Variants in PITPNM3 observed in about 807,000 individuals in gnomAD.
The protein encoded by PITPNM3 is PITPNM family member 3.
PITPNM3 carries 26 observed loss-of-function variants against 102.0 expected under a neutral mutation model. The ratio of observed to expected loss-of-function variants is 0.25; its 90% confidence interval spans 0.19 to 0.35. PITPNM3 has a LOEUF of 0.35. Among genes scored for constraint, PITPNM3 ranks in the 10% least tolerant of loss-of-function variants. PITPNM3 has a pLI of 1.00. For synonymous variants in PITPNM3, 578 were observed against 558.6 expected (o/e 1.03, Z -0.49); for missense variants, 1,083 against 1,346.1 (o/e 0.80, Z 3.06).
rs112876140 is a variant in PITPNM3, at chr17:6,540,223, C to A, written c.23-2141G>T. On this transcript the variant is annotated intron_variant, in intron 1 of 19. Transcript: ENST00000262483. ...AAAGGGGCCTCTCATTCCACAGACA[C>A]TGTGTTGGGAACTGGGAACACTGTG... Among the ~76,000 whole-genome samples, 337 of 152,314 alleles carry A rather than the reference C, an allele frequency of 2.2e-3. 3 individuals are homozygous for A. Among genetic ancestry groups the A allele is most frequent in the Non-Finnish European group, 3.6e-3 (244 of 68,028 alleles).
At position 6,461,410 on chromosome 17, in the gene PITPNM3, C is replaced by T. The variant is rs769380932; in HGVS notation, c.2453G>A (p.Arg818Gln). ...FSDGLVHDPL[R>Q]QKAIFLRNLM... ...GTTGCGCAGGAAGATGGCCTTCTGCCGCAGCGGGTCATGCACCAGCCCATC... is the reference window on the plus strand; with the variant it reads ...GTTGCGCAGGAAGATGGCCTTCTGCTGCAGCGGGTCATGCACCAGCCCATC... Residue 818 changes from arginine (R) to glutamine (Q), a missense_variant, in exon 18 of 20, where the codon CGG becomes CAG. By Grantham distance (43) the Arg-to-Gln change is conservative (BLOSUM62 1). This residue lies in a region of PITPNM3 where 410 missense variants were observed against 638.4 expected (regional missense o/e 0.64). Transcript: ENST00000262483. 3.1e-6 allele frequency: 5 copies of T among 1,614,020 alleles called. No individual in the cohort carries two copies. The highest frequency in any genetic ancestry group is 4.5e-5 in the East Asian group (2 of 44,882).
At chr17:6,467,739 C>T (rs777713105) in intron 14 of PITPNM3, among the ~76,000 whole-genome samples, 8 of 152,184 alleles carry the variant, frequency 5.3e-5, no homozygotes, top group Non-Finnish European at 1.0e-4. Context: ...AATCTATGCA[C>T]CTCAAACTCC....
intron 1 of PITPNM3, among the ~76,000 whole-genome samples, chr17:6,552,624 C>T (rs1034936956): frequency 2.0e-5 from 3 of 152,152 alleles, no homozygotes; most frequent in Non-Finnish European, 4.4e-5. Context: ...TACTTTTGGG[C>T]ACTTCCTACC....
intron 2 of PITPNM3, among the ~76,000 whole-genome samples, chr17:6,528,494 ATG>A (rs920756697): frequency 2.7e-5 from 4 of 150,080 alleles, no homozygotes; most frequent in Admixed American, 2.0e-4. Flanking sequence ...GTGTGCATGC[ATG>A]TGTGAGTGCA....
At chr17:6,547,784 G>A (rs1910101623) in intron 1 of PITPNM3, among the ~76,000 whole-genome samples, 1 of 151,484 alleles carries the variant, frequency 6.6e-6, no homozygotes, top group South Asian at 2.1e-4. Flanking sequence ...TGCCTAGGCT[G>A]GAGTGCAATG....
At position 6,540,002 on chromosome 17, in the gene PITPNM3, C is replaced by T. The variant is rs543864564; in HGVS notation, c.23-1920G>A. Among the ~76,000 whole-genome samples, 47 of 152,326 alleles carry T rather than the reference C, an allele frequency of 3.1e-4. 2 individuals are homozygous for T. The highest frequency in any genetic ancestry group is 2.3e-3 in the South Asian group (11 of 4,822). ...GAGCCCAGTGAGAGGCTCCTCTATG[C>T]GGTGGCCTCATACATGCACGGTTTA... is the stretch of plus-strand genomic sequence containing the variant. On this transcript the variant is annotated intron_variant, in intron 1 of 19. Transcript: ENST00000262483.
intron 1 of PITPNM3, among the ~76,000 whole-genome samples, chr17:6,553,460 G>T (rs1039019652): frequency 2.2e-4 from 33 of 152,102 alleles, no homozygotes; most frequent in African/African-American, 6.8e-4. Context: ...GCTCTTGTCC[G>T]ACACAAGCCA....
At chr17:6,504,354 C>A (rs912252584) in intron 3 of PITPNM3, among the ~76,000 whole-genome samples, 6 of 152,174 alleles carry the variant, frequency 3.9e-5, no homozygotes, top group Non-Finnish European at 8.8e-5. Flanking sequence ...CCGTGCCTGC[C>A]TCTCACATGA....
At position 6,474,560 on chromosome 17, in the gene PITPNM3, G is replaced by T. The variant is rs758781470; in HGVS notation, c.1130C>A (p.Ala377Asp). The T allele has an allele frequency of 6.3e-7, 1 of 1,595,730 alleles. No individual in the cohort carries two copies. Among genetic ancestry groups the T allele is most frequent in the South Asian group, 1.1e-5 (1 of 88,528 alleles). Residue 377 changes from alanine to aspartate, a missense_variant, in exon 10 of 20, where the codon GCT becomes GAT. By Grantham distance (126) the Ala-to-Asp change is moderately radical. Around this residue, in one of 5 missense-constraint regions of PITPNM3, gnomAD observed 172 missense variants for 175.6 expected, o/e 0.98. Coordinates refer to ENST00000262483, the MANE Select transcript of PITPNM3 (RefSeq NM_031220.4). The part of the protein sequence containing the change: ...VLKDESETPA[A>D]GGPQLPEVSL... The stretch of plus-strand genomic sequence containing the variant: ...GACCTCAGGGAGCTGCGGCCCCCCA[G>T]CCGCCGGGGTCTCAGACTCATCCTT...
intron 4 of PITPNM3, among the ~76,000 whole-genome samples, chr17:6,487,639 C>T (rs1037788934): frequency 2.6e-5 from 4 of 152,188 alleles, no homozygotes; most frequent in African/African-American, 9.7e-5. Flanking sequence ...ACATGAGGGT[C>T]CTGTTGTCTC....
At chr17:6,540,075 C>A (rs1909651583) in intron 1 of PITPNM3, among the ~76,000 whole-genome samples, 1 of 152,142 alleles carries the variant, frequency 6.6e-6, no homozygotes, top group African/African-American at 2.4e-5. Flanking sequence ...ATGACCTGTG[C>A]AGGGGTCCCA....
rs1910130427 is a variant in PITPNM3, at chr17:6,548,227, AT to A, written c.22+8157del. Among the ~76,000 whole-genome samples the A allele has an allele frequency of 3.3e-5, 5 of 152,284 alleles. No homozygotes were observed. In the South Asian group the frequency reaches 1.0e-3, roughly 32 times the overall value. The stretch of plus-strand genomic sequence containing the variant: ...ACTGCTGGACTGCAACTGAGCAAAG[AT>A]GGGACCCAAGGTTGCCTCTGCCCCC... On this transcript the variant is annotated intron_variant, in intron 1 of 19. Coordinates refer to ENST00000262483, the MANE Select transcript of PITPNM3 (RefSeq NM_031220.4).
At chr17:6,548,209 G>T (rs1910128624) in intron 1 of PITPNM3, among the ~76,000 whole-genome samples, 1 of 152,186 alleles carries the variant, frequency 6.6e-6, no homozygotes, top group East Asian at 1.9e-4. Flanking sequence ...GCCACTGCTG[G>T]ACTGCAACTG....
At chr17:6,471,967 G>A (rs569908602) in intron 11 of PITPNM3, among the ~76,000 whole-genome samples, 3 of 152,194 alleles carry the variant, frequency 2.0e-5, no homozygotes, top group South Asian at 2.1e-4. Context: ...ATCCTGAATC[G>A]GCCCCATGCA....
chr17:6,482,024 C>CTCTCTCTCTG (rs1905747298), intron 6 of PITPNM3, among the ~76,000 whole-genome samples: 1 of 100,930 alleles, frequency 9.9e-6, no homozygotes, highest in Non-Finnish European at 1.9e-5. Context: ...CTCTCTCTCT[C>CTCTCTCTCTG]TCTCTCTCTC....
At chr17:6,482,274 C>T (rs1905784603) in intron 6 of PITPNM3, among the ~76,000 whole-genome samples, 1 of 152,040 alleles carries the variant, frequency 6.6e-6, no homozygotes, top group South Asian at 2.1e-4. Context: ...GTCTGAGTGT[C>T]AGCCCCTTTC....
chr17:6,489,819 C>T (rs1177556660), intron 4 of PITPNM3, among the ~76,000 whole-genome samples: 7 of 152,108 alleles, frequency 4.6e-5, no homozygotes, highest in Non-Finnish European at 7.4e-5. Context: ...GCCTGGCCAA[C>T]ATGGTGAAAC....
At chr17:6,496,748 G>A (rs1034062971) in intron 4 of PITPNM3, among the ~76,000 whole-genome samples, 1 of 152,174 alleles carries the variant, frequency 6.6e-6, no homozygotes, top group Non-Finnish European at 1.5e-5. Flanking sequence ...ACAGATGGGT[G>A]AATGAACTAA....
Position 6,478,004 on chromosome 17 carries a change from T to C in PITPNM3, c.871A>G (p.Ser291Gly), listed in dbSNP as rs770160131. ...GTGCTGCTGATGCTCCCCTTCCGGC[T>C]GCTGCTGGCAGGGCTGTCCCCTGAG... Reference protein sequence around the residue: ...GPSGDSPASSSRKGSISSTQD... With the variant: ...GPSGDSPASSGRKGSISSTQD... The change falls in exon 8 of 20, where the codon AGC becomes GGC. Residue 291 changes from serine (S) to glycine (G), a missense_variant. Physicochemically the swap from Ser to Gly is moderately conservative, Grantham distance 56. Coordinates refer to ENST00000262483, the MANE Select transcript of PITPNM3 (RefSeq NM_031220.4). The surrounding 1 kb of genome is among the most constrained non-coding windows in gnomAD (Gnocchi z 4.4). The C allele has an allele frequency of 6.2e-7, 1 of 1,613,546 alleles. No individual in the cohort carries two copies. Among genetic ancestry groups the C allele is most frequent in the South Asian group, 1.1e-5 (1 of 91,084 alleles).
Sources: gnomAD v4.1 joint callset for allele counts (sites outside exome capture counted in the v4.1 genomes callset) on GRCh38, gnomAD v4.1.1 for gene constraint, gnomAD v4.1.1 regional missense constraint, Gnocchi (gnomAD v3.1) non-coding constraint, MANE v1.5 for transcripts, NCBI Gene and HGNC (gene_info 2026-07-23, HGNC 2026-07-21) for gene names.